Variants in SLC4A7 observed in about 807,000 individuals in gnomAD.
SLC4A7 encodes the protein solute carrier family 4 member 7, also known as sodium bicarbonate cotransporter 3.
In SLC4A7, 51 loss-of-function variants were observed where a neutral mutation model predicts 137.6. That is an observed-to-expected ratio of 0.37 (90% CI 0.30 to 0.47). The LOEUF (loss-of-function observed/expected upper bound fraction) is 0.47. Ranked by LOEUF, SLC4A7 falls within the 20% of genes least tolerant of loss-of-function variation. The pLI is 1.00. For missense variants in SLC4A7, 1,247 were observed against 1,525.4 expected (o/e 0.82, Z 3.04); for synonymous variants, 542 against 518.6 (o/e 1.05, Z -0.61).
At position 27,436,464 on chromosome 3, in the gene SLC4A7, A is replaced by C. The variant is rs2056747999; in HGVS notation, c.513T>G (p.Leu171=). 3.7e-6 allele frequency: 6 copies of C among 1,613,646 alleles called. No individual in the cohort carries two copies. Among genetic ancestry groups the C allele is most frequent in the Non-Finnish European group, 3.4e-6 (4 of 1,179,712 alleles). ...PYVATLSLHS[L]FELRSCILNG... is the part of the protein sequence containing the mutation. ...TGAGGATGCAACTCCTTAGTTCAAA[A>C]AGACTGTGCAAAGAGAGAGTTGCCA... is the stretch of plus-strand genomic sequence containing the variant. Residue 171 remains leucine (L), a synonymous_variant, in exon 5 of 26, where the codon CTT becomes CTG. Transcript: ENST00000454389.
intron 1 of SLC4A7, among the ~76,000 whole-genome samples, chr3:27,478,374 C>T (rs1277634112): frequency 3.3e-5 from 5 of 150,538 alleles, no homozygotes; most frequent in African/African-American, 4.9e-5. Flanking sequence ...AAAAATTAGC[C>T]GGGCGTGGTG....
chr3:27,393,298 T>C (rs796898564), intron 20 of SLC4A7, among the ~76,000 whole-genome samples: 1 of 152,182 alleles, frequency 6.6e-6, no homozygotes, highest in Non-Finnish European at 1.5e-5. Context: ...AAAAACCAAA[T>C]AGATTTCAGA....
At chr3:27,398,416 G>A in intron 16 of SLC4A7, 63 bp from the exon 17 acceptor site, 3 of 1,381,514 alleles carry the variant, frequency 2.2e-6, no homozygotes, top group South Asian at 1.4e-5. Flanking sequence ...AAATTATTAT[G>A]AGCTTCATTG....
chr3:27,479,535 T>C (rs1481082510), intron 1 of SLC4A7, among the ~76,000 whole-genome samples: 1 of 152,170 alleles, frequency 6.6e-6, no homozygotes, highest in Non-Finnish European at 1.5e-5. Context: ...TCTAATCAGC[T>C]AGCCCTCTGC....
At chr3:27,405,801 C>T (rs2053283778) in intron 13 of SLC4A7, among the ~76,000 whole-genome samples, 1 of 151,908 alleles carries the variant, frequency 6.6e-6, no homozygotes, top group Admixed American at 6.6e-5. Context: ...CCATAAATGA[C>T]AAAGTATCAC....
intron 13 of SLC4A7, among the ~76,000 whole-genome samples, chr3:27,408,498 C>T (rs1251014300): frequency 6.6e-6 from 1 of 152,140 alleles, no homozygotes; most frequent in Non-Finnish European, 1.5e-5. Flanking sequence ...AGGTTTATTT[C>T]ATGTTTAGAT....
rs1394963854 is a variant in SLC4A7, at chr3:27,431,605, C to G, written c.843G>C (p.Leu281Phe). The change falls in exon 7 of 26, where the codon TTG (leucine) becomes TTC (phenylalanine). Residue 281 changes from leucine to phenylalanine, a missense_variant. By Grantham distance (22) the Leu-to-Phe change is conservative (BLOSUM62 0). Coordinates refer to ENST00000454389, the MANE Select transcript of SLC4A7 (RefSeq NM_001321103.2). ...RTGLSASNLSLRGESPLSLLL... is the reference protein window; with the variant it reads ...RTGLSASNLSFRGESPLSLLL... The stretch of plus-strand genomic sequence containing the variant: ...GAAGAGATAAAGGTGATTCTCCTCT[C>G]AAGGAAAGGTTTGAGGCAGACAGAC... 6.2e-7 allele frequency: 1 copy of G among 1,613,636 alleles called. No homozygotes were observed. Among genetic ancestry groups the G allele is most frequent in the Non-Finnish European group, 8.5e-7 (1 of 1,179,776 alleles).
intron 10 of SLC4A7, 100 bp from the exon 11 acceptor site, chr3:27,418,732 A>G: frequency 1.4e-6 from 1 of 705,878 alleles, no homozygotes; most frequent in East Asian, 2.7e-5. Context: ...CACAATAAAG[A>G]TAACCCCTAA....
At chr3:27,456,095 C>T (rs192406652) in intron 1 of SLC4A7, among the ~76,000 whole-genome samples, 1 of 152,036 alleles carries the variant, frequency 6.6e-6, no homozygotes, top group Non-Finnish European at 1.5e-5. Context: ...AAAAATGACA[C>T]TTAACATGCC....
chr3:27,468,543 T>G (rs1460894871), intron 1 of SLC4A7, among the ~76,000 whole-genome samples: 1 of 152,108 alleles, frequency 6.6e-6, no homozygotes, highest in Non-Finnish European at 1.5e-5. Context: ...TAATAGCCAC[T>G]GCACTCCAGC....
intron 2 of SLC4A7, among the ~76,000 whole-genome samples, chr3:27,451,134 T>TA (rs2058047302): frequency 6.7e-6 from 1 of 149,164 alleles, no homozygotes; most frequent in Admixed American, 6.7e-5. Context: ...AGCCAATTTT[T>TA]AGAGTTAAAA....
At position 27,389,913 on chromosome 3, in the gene SLC4A7, A is replaced by T; in HGVS notation, c.3360+18T>A. 6.3e-7 allele frequency: 1 copy of T among 1,593,292 alleles called. No individual in the cohort carries two copies. Among genetic ancestry groups the T allele is most frequent in the Non-Finnish European group, 8.6e-7 (1 of 1,163,170 alleles). On this transcript the variant is annotated intron_variant, in intron 22 of 25. Coordinates refer to ENST00000454389, the MANE Select transcript of SLC4A7 (RefSeq NM_001321103.2). ...CATATTATTAATTAGTGACAAAATA[A>T]GTCTGAAGAAATCTTACCATCATGG...
chr3:27,417,337 A>G (rs1050511024), intron 11 of SLC4A7, among the ~76,000 whole-genome samples: 4 of 152,238 alleles, frequency 2.6e-5, no homozygotes, highest in Admixed American at 6.5e-5. Context: ...CCAAAGGATC[A>G]ATGAACAATT....
intron 17 of SLC4A7, 103 bp from the exon 18 acceptor site, chr3:27,397,900 T>G (rs2052360192): frequency 1.5e-6 from 1 of 688,732 alleles, no homozygotes; most frequent in South Asian, 2.1e-5. Flanking sequence ...AACGTACAAA[T>G]GGAGCTTTTA....
At chr3:27,449,132 C>T (rs928128084) in intron 2 of SLC4A7, among the ~76,000 whole-genome samples, 1 of 151,682 alleles carries the variant, frequency 6.6e-6, no homozygotes, top group African/African-American at 2.4e-5. Flanking sequence ...GAACTCCTGA[C>T]CTCCTGATCC....
intron 11 of SLC4A7, among the ~76,000 whole-genome samples, chr3:27,415,166 C>T (rs1229705170): frequency 2.6e-5 from 4 of 152,178 alleles, no homozygotes; most frequent in African/African-American, 4.8e-5. Context: ...TAGACCACTT[C>T]GACACCTTTG....
In SLC4A7 at chr3:27,431,622, C is replaced by A; in HGVS notation, c.826G>T (p.Ala276Ser). ...TCTCCTCTCAAGGAAAGGTTTGAGGCAGACAGACCTGTTCGCAAAGAGTGG... is the reference window on the plus strand; with the variant it reads ...TCTCCTCTCAAGGAAAGGTTTGAGGAAGACAGACCTGTTCGCAAAGAGTGG... ...SRHSLRTGLS[A>S]SNLSLRGESP... is the part of the protein sequence containing the mutation. The change falls in exon 7 of 26, where the codon GCC becomes TCC. Residue 276 changes from alanine to serine, a missense_variant. This residue lies in a region of SLC4A7 where 223 missense variants were observed against 203.6 expected (regional missense o/e 1.10). Coordinates refer to ENST00000454389, the MANE Select transcript of SLC4A7 (RefSeq NM_001321103.2). 6.2e-7 allele frequency: 1 copy of A among 1,609,362 alleles called. No individual in the cohort carries two copies. The highest frequency in any genetic ancestry group is 8.5e-7 in the Non-Finnish European group (1 of 1,177,928).
intron 16 of SLC4A7, among the ~76,000 whole-genome samples, chr3:27,399,256 GCA>G (rs889502520): frequency 6.6e-6 from 1 of 152,086 alleles, no homozygotes; most frequent in Non-Finnish European, 1.5e-5. Context: ...AACCCACCCT[GCA>G]TGGCCCTTTG....
chr3:27,452,497 C>G lies in SLC4A7; in HGVS notation c.62G>C (p.Gly21Ala). 1 of 1,598,978 alleles carries G rather than the reference C, an allele frequency of 6.3e-7. No individual in the cohort carries two copies. The highest frequency in any genetic ancestry group is 1.1e-5 in the South Asian group (1 of 88,384). ...RPLLTRVTSR[G>A]PDEEAVVDLG... ...ATCCACAACAGCTTCTTCATCAGGACCCTAAAAACAAATTATTCTCATTGA... is the reference window on the plus strand; with the variant it reads ...ATCCACAACAGCTTCTTCATCAGGAGCCTAAAAACAAATTATTCTCATTGA... The change falls in exon 2 of 26, where the codon GGT (glycine) becomes GCT (alanine). Residue 21 changes from glycine to alanine, a missense_variant and splice_region_variant. Physicochemically the swap from Gly to Ala is moderately conservative, Grantham distance 60 (BLOSUM62 0). Around this residue, in one of 6 missense-constraint regions of SLC4A7, gnomAD observed 176 missense variants for 186.4 expected, o/e 0.94. Transcript: ENST00000454389.
Sources: gnomAD v4.1 joint callset for allele counts (sites outside exome capture counted in the v4.1 genomes callset) on GRCh38, gnomAD v4.1.1 for gene constraint, gnomAD v4.1.1 regional missense constraint, MANE v1.5 for transcripts, NCBI Gene and HGNC (gene_info 2026-07-23, HGNC 2026-07-21) for gene names.